Variants in PSMD14 observed in about 807,000 individuals in gnomAD.
The protein encoded by PSMD14 is ubiquitin C-terminal hydrolase PSMD14.
A neutral mutation model predicts 41.2 loss-of-function variants in PSMD14; 7 were observed. The observed-to-expected ratio is 0.17, with a 90% CI of 0.10 to 0.32. PSMD14 has a LOEUF of 0.32. PSMD14 is among the 10% of genes least tolerant of loss of function. The probability of loss-of-function intolerance (pLI) is 1.00; values close to 1 mark genes in which losing one functional copy is unlikely to be tolerated. For missense variants in PSMD14, 139 were observed against 375.6 expected (o/e 0.37, Z 5.21); for synonymous variants, 114 against 122.3 (o/e 0.93, Z 0.45).
intron 3 of PSMD14, among the ~76,000 whole-genome samples, chr2:161,327,705 T>C (rs895016873): frequency 3.3e-5 from 5 of 152,020 alleles, no homozygotes; most frequent in African/African-American, 1.2e-4. Flanking sequence ...TGGCAACACA[T>C]TAATCTGCAA....
chr2:161,310,564 A>G (rs1399900718), intron 1 of PSMD14, among the ~76,000 whole-genome samples: 2 of 146,352 alleles, frequency 1.4e-5, no homozygotes, highest in Non-Finnish European at 3.1e-5. Context: ...ACTTGATTAA[A>G]TAATCTCTTC....
intron 10 of PSMD14, among the ~76,000 whole-genome samples, chr2:161,400,210 GA>G (rs1268697478): frequency 6.6e-6 from 1 of 152,178 alleles, no homozygotes; most frequent in Non-Finnish European, 1.5e-5. Flanking sequence ...AGACATTAGA[GA>G]CCCAGGTTCC....
chr2:161,395,693 C>A (rs1574141170), intron 10 of PSMD14, among the ~76,000 whole-genome samples: 1 of 152,006 alleles, frequency 6.6e-6, no homozygotes, highest in East Asian at 1.9e-4. Context: ...ATATAGATTG[C>A]AACTCATTAA....
intron 3 of PSMD14, among the ~76,000 whole-genome samples, chr2:161,359,402 A>G (rs541298015): frequency 7.0e-4 from 106 of 152,172 alleles, no homozygotes; most frequent in Non-Finnish European, 1.3e-3. Flanking sequence ...TTATTTTTCT[A>G]TCATTTGTGT....
At chr2:161,393,429 T>C (rs1683741936) in intron 9 of PSMD14, among the ~76,000 whole-genome samples, 1 of 152,060 alleles carries the variant, frequency 6.6e-6, no homozygotes, top group African/African-American at 2.4e-5. Context: ...TGGGAGAAAA[T>C]GGGAGAATTA....
intron 3 of PSMD14, among the ~76,000 whole-genome samples, chr2:161,325,056 A>G (rs772189016): frequency 1.3e-5 from 2 of 152,206 alleles, no homozygotes; most frequent in African/African-American, 2.4e-5. Context: ...ACATGATTTC[A>G]CACTGTGAAA....
intron 7 of PSMD14, chr2:161,382,449 T>C (rs1683581603): frequency 6.6e-6 from 1 of 151,858 alleles, no homozygotes; most frequent in Admixed American, 6.6e-5. Flanking sequence ...ATGCTGCAGA[T>C]TCATGCAGTG....
intron 3 of PSMD14, among the ~76,000 whole-genome samples, chr2:161,338,004 ACTCT>A: frequency 6.6e-6 from 1 of 152,318 alleles, no homozygotes; most frequent in African/African-American, 2.4e-5. Context: ...ACATTTTGTA[ACTCT>A]CTGACTACTT....
At chr2:161,349,649 C>T (rs891867584) in intron 3 of PSMD14, among the ~76,000 whole-genome samples, 1 of 152,252 alleles carries the variant, frequency 6.6e-6, no homozygotes, top group Admixed American at 6.5e-5. Flanking sequence ...ATGCCAAACC[C>T]TTACAGAGTG....
intron 7 of PSMD14, chr2:161,382,654 CAA>C (rs1683583636): frequency 6.6e-6 from 1 of 151,718 alleles, no homozygotes; most frequent in Non-Finnish European, 1.5e-5. Flanking sequence ...AGGAATTTTT[CAA>C]AGTCTAGCAT....
intron 8 of PSMD14, among the ~76,000 whole-genome samples, chr2:161,389,920 G>A (rs1298384090): frequency 1.2e-4 from 1 of 8,212 alleles, no homozygotes; most frequent in Non-Finnish European, 2.7e-4. Context: ...TTTAGAGATG[G>A]GGTATTGCTA....
chr2:161,401,196 C>A (rs895469440), intron 10 of PSMD14, among the ~76,000 whole-genome samples: 8 of 152,186 alleles, frequency 5.3e-5, no homozygotes, highest in African/African-American at 1.7e-4. Flanking sequence ...ATATTCTTTT[C>A]TCTAGCTTAC....
At chr2:161,325,831 C>G (rs1292570027) in intron 3 of PSMD14, among the ~76,000 whole-genome samples, 1 of 151,980 alleles carries the variant, frequency 6.6e-6, no homozygotes, top group Non-Finnish European at 1.5e-5. Context: ...ATCAAAAACC[C>G]AGAAATACAT....
At chr2:161,318,148 C>G (rs1434106254) in intron 2 of PSMD14, among the ~76,000 whole-genome samples, 1 of 152,058 alleles carries the variant, frequency 6.6e-6, no homozygotes, top group Non-Finnish European at 1.5e-5. Context: ...GTTGAATTTC[C>G]TTAGTGAAAA....
At chr2:161,388,449 TTTAA>T (rs903924449) in intron 8 of PSMD14, among the ~76,000 whole-genome samples, 11 of 152,082 alleles carry the variant, frequency 7.2e-5, no homozygotes, top group East Asian at 1.9e-4. Flanking sequence ...TCATTGGAAA[TTTAA>T]TTAATTAATT....
intron 7 of PSMD14, among the ~76,000 whole-genome samples, chr2:161,374,071 C>G (rs1246667906): frequency 6.6e-6 from 1 of 151,796 alleles, no homozygotes; most frequent in African/African-American, 2.4e-5. Context: ...GAATCCAGTT[C>G]TGTAAAATTT....
chr2:161,377,120 G>A (rs1683512670), intron 7 of PSMD14, among the ~76,000 whole-genome samples: 3 of 151,850 alleles, frequency 2.0e-5, no homozygotes, highest in African/African-American at 7.2e-5. Context: ...TCTACTAAAA[G>A]TAGGAAAAGA....
chr2:161,367,598 C>T, intron 4 of PSMD14, 49 bp downstream of exon 4: 2 of 1,498,100 alleles, frequency 1.3e-6, no homozygotes, highest in African/African-American at 1.4e-5. Context: ...GTTGCTTTCA[C>T]TGTATCTTTT....
chr2:161,347,068 T>C (rs936981283), intron 3 of PSMD14, among the ~76,000 whole-genome samples: 7 of 152,198 alleles, frequency 4.6e-5, no homozygotes, highest in African/African-American at 1.7e-4. Flanking sequence ...TACTGTCCTC[T>C]GCCTGGGTTT....
Sources: gnomAD v4.1 joint callset for allele counts (sites outside exome capture counted in the v4.1 genomes callset) on GRCh38, gnomAD v4.1.1 for gene constraint, MANE v1.5 for transcripts, NCBI Gene and HGNC (gene_info 2026-07-23, HGNC 2026-07-21) for gene names.